The following POLR2H variants were observed in gnomAD, a reference collection of about 807,000 sequenced individuals.
POLR2H encodes the protein DNA-directed RNA polymerases I, II, and III subunit RPABC3.
POLR2H carries 3 observed loss-of-function variants against 18.1 expected under a neutral mutation model. The ratio of observed to expected loss-of-function variants is 0.17; its 90% confidence interval spans 0.08 to 0.43. The LOEUF (loss-of-function observed/expected upper bound fraction) is 0.43, where lower values mean the gene tolerates loss of function less well. Ranked by LOEUF, POLR2H falls within the 20% of genes least tolerant of loss-of-function variation. POLR2H has a pLI of 0.99. For missense variants in POLR2H, 103 were observed against 184.6 expected (o/e 0.56, Z 2.56); for synonymous variants, 76 against 69.0 (o/e 1.10, Z -0.50).
intron 5 of POLR2H, 134 bp from the exon 6 acceptor site, chr3:184,368,043 G>GCC: frequency 8.0e-7 from 1 of 1,251,714 alleles, no homozygotes; most frequent in Non-Finnish European, 1.1e-6. Flanking sequence ...ACATACCTGT[G>GCC]CATTGATCTT....
chr3:184,362,348 T>A lies in POLR2H; in HGVS notation c.-621+202T>A, dbSNP rs1712288681. The A allele has an allele frequency of 6.6e-6, 1 of 152,380 alleles. No homozygotes were observed. 9.4% of individuals were successfully genotyped at this position (152,380 alleles called of 1,614,324 possible). A position where few individuals can be genotyped will look rare whatever the true frequency, so the allele number is the denominator to read the frequency against. On this transcript the variant is annotated intron_variant, in intron 1 of 5. Transcript: ENST00000456318. The surrounding 1 kb of genome is among the most constrained non-coding windows in gnomAD (Gnocchi z 5.9). ...TTCCATCCCTCCGCTTTGGGGGAACTGCCTGCTGGTGTTCTGGGTTCTCTA... is the reference window on the plus strand; with the variant it reads ...TTCCATCCCTCCGCTTTGGGGGAACAGCCTGCTGGTGTTCTGGGTTCTCTA...
rs983670827 is a variant in POLR2H, at chr3:184,363,277, T to A, written c.-216T>A. ...CAATGCCGAAGCCTCTCGGAAGCAA[T>A]CTTTCGGGACGGAAGTTAAGTAGCC... On this transcript the variant is annotated 5_prime_UTR_variant, in exon 2 of 6. Transcript: ENST00000456318. 1 of 601,510 alleles carries A rather than the reference T, an allele frequency of 1.7e-6. No homozygotes were observed. The highest frequency in any genetic ancestry group is 3.0e-6 in the Non-Finnish European group (1 of 333,104). 37.3% of individuals were successfully genotyped at this position (601,510 alleles called of 1,614,324 possible).
At position 184,365,002 on chromosome 3, in the gene POLR2H, T is replaced by A. The variant is rs1400313757; in HGVS notation, c.110T>A (p.Met37Lys). 6.2e-7 allele frequency: 1 copy of A among 1,612,228 alleles called. No individual in the cohort carries two copies. Among genetic ancestry groups the A allele is most frequent in the Admixed American group, 1.7e-5 (1 of 60,010 alleles). ...RLHCESESFK[M>K]DLILDVNIQI... ...CATTGTGAGAGTGAATCTTTCAAGA[T>A]GGATCTAATCTTAGATGTAAACATT... The change falls in exon 3 of 6, where the codon ATG becomes AAG. Residue 37 changes from methionine to lysine, a missense_variant. Transcript: ENST00000456318.
At chr3:184,367,092 T>TTGTGTG (rs10575340) in intron 5 of POLR2H, among the ~76,000 whole-genome samples, 9 of 147,856 alleles carry the variant, frequency 6.1e-5, no homozygotes, top group Non-Finnish European at 7.5e-5. Flanking sequence ...CTGTTAGGCT[T>TTGTGTG]TGTGTGTGTG....
intron 2 of POLR2H, chr3:184,364,620 T>C: frequency 3.8e-6 from 1 of 263,298 alleles, no homozygotes; most frequent in East Asian, 7.7e-5. Flanking sequence ...CGGATACCAG[T>C]TCTTATACAT....
chr3:184,368,079 A>C (rs1320174609), intron 5 of POLR2H, 98 bp from the exon 6 acceptor site: 9 of 1,591,532 alleles, frequency 5.7e-6, no homozygotes, highest in Non-Finnish European at 7.7e-6. Flanking sequence ...TCCTAGTGAC[A>C]CAACAGTAGG....
At chr3:184,365,780 T>C (rs1045988349) in intron 4 of POLR2H, among the ~76,000 whole-genome samples, 2 of 151,660 alleles carry the variant, frequency 1.3e-5, no homozygotes, top group African/African-American at 2.4e-5. Context: ...GAGACCATCC[T>C]GGCTAAAACG....
intron 5 of POLR2H, among the ~76,000 whole-genome samples, chr3:184,367,145 C>CTG (rs139867729): frequency 0.021 from 1,018 of 48,158 alleles, 8 homozygotes; most frequent in Non-Finnish European, 0.024. Flanking sequence ...CTGTAAAAGG[C>CTG]TGTGTGTGTG....
chr3:184,363,360 C>T lies in POLR2H; in HGVS notation c.-133C>T, dbSNP rs893764156. 8.2e-6 allele frequency: 6 copies of T among 735,034 alleles called. No homozygotes were observed. Among genetic ancestry groups the T allele is most frequent in the African/African-American group, 5.2e-5 (3 of 58,000 alleles). The allele number at this position is 735,034 out of a possible 1,614,324, so 45.5% of individuals were successfully genotyped here. A position where few individuals can be genotyped will look rare whatever the true frequency, so the allele number is the denominator to read the frequency against. ...TTACCGCTTGTTTGTGCGCATGCGC[C>T]ACTCTCGTCTGGCCGCCGCGCTTTC... On this transcript the variant is annotated 5_prime_UTR_variant, in exon 2 of 6. Transcript: ENST00000456318.
Position 184,368,039 on chromosome 3 carries a change from C to T in POLR2H, c.336-138C>T, listed in dbSNP as rs1713634705. ...AGATGGAACAGTGCCTTGCACATAC[C>T]TGTGCATTGATCTTTGTCAGAATTT... On this transcript the variant is annotated intron_variant, in intron 5 of 5. Coordinates refer to ENST00000456318, the MANE Select transcript of POLR2H (RefSeq NM_006232.5). The T allele has an allele frequency of 4.8e-5, 57 of 1,193,138 alleles. No individual in the cohort carries two copies. In the South Asian group the frequency reaches 6.7e-4, roughly 14 times the overall value. 73.9% of individuals were successfully genotyped at this position (1,193,138 alleles called of 1,614,324 possible).
chr3:184,365,049 G>C lies in POLR2H; in HGVS notation c.157G>C (p.Gly53Arg). Residue 53 changes from glycine to arginine, a missense_variant and splice_region_variant, in exon 3 of 6, where the codon GGT (glycine) becomes CGT (arginine). Coordinates refer to ENST00000456318, the MANE Select transcript of POLR2H (RefSeq NM_006232.5). ...CATTCAAATTTACCCTGTAGACTTG[G>C]GTAAGTATTGAATACAGACAATAAT... is the stretch of plus-strand genomic sequence containing the variant. ...VNIQIYPVDL[G>R]DKFRLVIAST... 1 of 1,593,668 alleles carries C rather than the reference G, an allele frequency of 6.3e-7. No individual in the cohort carries two copies. The highest frequency in any genetic ancestry group is 8.6e-7 in the Non-Finnish European group (1 of 1,161,494).
chr3:184,365,298 C>G lies in POLR2H; in HGVS notation c.251+72C>G, dbSNP rs534388785. 3.3e-5 allele frequency: 30 copies of G among 922,316 alleles called. No individual in the cohort carries two copies. In the Admixed American group the frequency reaches 5.0e-4, roughly 15 times the overall value. The allele number at this position is 922,316 out of a possible 1,614,324, so 57.1% of individuals were successfully genotyped here. ...AGTAGATAAGTGATATAGAAAGACT[C>G]TTCTAAAATTCCTGGAATAAATGAT... On this transcript the variant is annotated intron_variant, in intron 4 of 5. Coordinates refer to ENST00000456318, the MANE Select transcript of POLR2H (RefSeq NM_006232.5).
rs1188298586 is a variant in POLR2H, at chr3:184,366,810, G to A, written c.335+10G>A. On this transcript the variant is annotated intron_variant, in intron 5 of 5. Transcript: ENST00000456318. ...AAGCAGCAACACGCCTGTAAGTTAC[G>A]TAATCTTGTGAGGATTCTTTTCCTC... 1.1e-5 allele frequency: 16 copies of A among 1,468,984 alleles called. No individual in the cohort carries two copies. The highest frequency in any genetic ancestry group is 3.3e-5 in the Admixed American group (2 of 59,796). 91.0% of individuals were successfully genotyped at this position (1,468,984 alleles called of 1,614,324 possible). A position where few individuals can be genotyped will look rare whatever the true frequency, so the allele number is the denominator to read the frequency against.
intron 5 of POLR2H, among the ~76,000 whole-genome samples, chr3:184,367,782 GC>G (rs1216610232): frequency 1.3e-5 from 2 of 152,140 alleles, no homozygotes; most frequent in South Asian, 2.1e-4. Context: ...GAGCCACCGT[GC>G]CCGGCCGGTG....
Position 184,363,191 on chromosome 3 carries a change from C to T in POLR2H, c.-302C>T. ...AGGGCCCCAGCGGAGCGCGAGAACCCGCTCTACAGCCTATTGCTTCCCCGC... is the reference window on the plus strand; with the variant it reads ...AGGGCCCCAGCGGAGCGCGAGAACCTGCTCTACAGCCTATTGCTTCCCCGC... On this transcript the variant is annotated 5_prime_UTR_variant, in exon 2 of 6. Coordinates refer to ENST00000456318, the MANE Select transcript of POLR2H (RefSeq NM_006232.5). The T allele has an allele frequency of 2.2e-6, 1 of 454,776 alleles. No homozygotes were observed. Among genetic ancestry groups the T allele is most frequent in the Non-Finnish European group, 4.1e-6 (1 of 245,986 alleles). 28.2% of individuals were successfully genotyped at this position (454,776 alleles called of 1,614,324 possible). A position where few individuals can be genotyped will look rare whatever the true frequency, so the allele number is the denominator to read the frequency against.
chr3:184,365,892 C>T (rs563579321), intron 4 of POLR2H, among the ~76,000 whole-genome samples: 7 of 147,536 alleles, frequency 4.7e-5, no homozygotes, highest in Non-Finnish European at 9.0e-5. Context: ...AGGAGAATGG[C>T]GTGAACCCGG....
At chr3:184,364,911 A>G in intron 2 of POLR2H, 55 bp from the exon 3 acceptor site, 1 of 1,186,432 alleles carries the variant, frequency 8.4e-7, no homozygotes, top group Admixed American at 1.7e-5. Context: ...ACAATCCCAC[A>G]CTGTAGGATC....
In POLR2H at chr3:184,365,333, A is replaced by G. The variant is rs911383653; in HGVS notation, c.251+107A>G. 2.8e-5 allele frequency: 23 copies of G among 818,734 alleles called. No individual in the cohort carries two copies. In the African/African-American group the frequency reaches 3.0e-4, roughly 11 times the overall value. 50.7% of individuals were successfully genotyped at this position (818,734 alleles called of 1,614,324 possible). On this transcript the variant is annotated intron_variant, in intron 4 of 5. Coordinates refer to ENST00000456318, the MANE Select transcript of POLR2H (RefSeq NM_006232.5). Reference sequence around the variant, plus strand: ...TCCTGGAATAAATGATGATCAGCAGAATCTGAGTAACCTTAAGGAAATTTC... The same window carrying G: ...TCCTGGAATAAATGATGATCAGCAGGATCTGAGTAACCTTAAGGAAATTTC...
At chr3:184,367,350 T>C (rs1235281005) in intron 5 of POLR2H, among the ~76,000 whole-genome samples, 6 of 152,208 alleles carry the variant, frequency 3.9e-5, no homozygotes, top group Non-Finnish European at 8.8e-5. Context: ...ACCTTTTACA[T>C]AGACTTTTTT....
Sources: gnomAD v4.1 joint callset for allele counts (sites outside exome capture counted in the v4.1 genomes callset) on GRCh38, gnomAD v4.1.1 for gene constraint, Gnocchi (gnomAD v3.1) non-coding constraint, MANE v1.5 for transcripts, NCBI Gene and HGNC (gene_info 2026-07-23, HGNC 2026-07-21) for gene names.